The following WWOX variants were observed in gnomAD, a reference collection of about 807,000 sequenced individuals.
WWOX encodes WW domain containing oxidoreductase, also known as WW domain-containing oxidoreductase.
A neutral mutation model predicts 46.2 loss-of-function variants in WWOX; 69 were observed. That is an observed-to-expected ratio of 1.49 (90% CI 1.23 to 1.82). The LOEUF (loss-of-function observed/expected upper bound fraction) is 1.82. Ranked by LOEUF, WWOX falls within the 40% of genes most tolerant of loss-of-function variation. WWOX has a pLI of 0.00. For synonymous variants in WWOX, 359 were observed against 202.6 expected (o/e 1.77, Z -6.56); for missense variants, 919 against 542.6 (o/e 1.69, Z -6.89).
chr16:78,690,006 G>A (rs1287747475), intron 8 of WWOX, among the ~76,000 whole-genome samples: 1 of 151,924 alleles, frequency 6.6e-6, no homozygotes, highest in Non-Finnish European at 1.5e-5. Context: ...GATTACAGGT[G>A]CCCGCCCCCA....
intron 5 of WWOX, among the ~76,000 whole-genome samples, chr16:78,376,539 G>A (rs1462632060): frequency 6.6e-6 from 1 of 152,162 alleles, no homozygotes. Context: ...AGTATAAATA[G>A]CTGATGACCA....
At chr16:78,975,242 T>C (rs1000790070) in intron 8 of WWOX, among the ~76,000 whole-genome samples, 22 of 152,254 alleles carry the variant, frequency 1.4e-4, no homozygotes, top group African/African-American at 5.3e-4. Context: ...GGGACCACTT[T>C]TGCACCCAGG....
chr16:79,184,450 G>A (rs1026004891), intron 8 of WWOX, among the ~76,000 whole-genome samples: 12 of 152,140 alleles, frequency 7.9e-5, no homozygotes, highest in East Asian at 1.9e-4. Flanking sequence ...CAATTTCCAC[G>A]CCTTGTATGT....
chr16:78,592,030 T>C (rs891296646), intron 8 of WWOX, among the ~76,000 whole-genome samples: 2 of 152,184 alleles, frequency 1.3e-5, no homozygotes, highest in Admixed American at 6.5e-5. Flanking sequence ...AAGCATCGAT[T>C]TTACCTTTGT....
intron 8 of WWOX, among the ~76,000 whole-genome samples, chr16:79,041,759 G>A (rs2047975785): frequency 6.6e-6 from 1 of 152,164 alleles, no homozygotes; most frequent in African/African-American, 2.4e-5. Flanking sequence ...GAGCTTTAAT[G>A]CTTTACACTT....
At chr16:78,825,522 G>A in intron 8 of WWOX, 1 of 513,454 alleles carries the variant, frequency 1.9e-6, no homozygotes, top group South Asian at 1.5e-5. Context: ...CTTCCCACAG[G>A]GCATTGTAGA....
chr16:78,992,409 G>T (rs537021594), intron 8 of WWOX, among the ~76,000 whole-genome samples: 3 of 152,158 alleles, frequency 2.0e-5, no homozygotes, highest in African/African-American at 7.2e-5. Flanking sequence ...AGAGGTTGCA[G>T]TGAACCCAGA....
chr16:78,436,513 C>G (rs2083339131), intron 8 of WWOX, among the ~76,000 whole-genome samples: 1 of 152,156 alleles, frequency 6.6e-6, no homozygotes, highest in Non-Finnish European at 1.5e-5. Context: ...TTACTAAAAT[C>G]CTCTCTAGTG....
At chr16:78,444,672 A>C (rs1375210411) in intron 8 of WWOX, among the ~76,000 whole-genome samples, 1 of 151,850 alleles carries the variant, frequency 6.6e-6, no homozygotes, top group Non-Finnish European at 1.5e-5. Context: ...CTAGGACTAC[A>C]GGCGCGTGCC....
intron 8 of WWOX, among the ~76,000 whole-genome samples, chr16:78,626,571 G>A (rs2046316813): frequency 6.6e-6 from 1 of 152,100 alleles, no homozygotes; most frequent in Admixed American, 6.5e-5. Flanking sequence ...CACTGTTGAT[G>A]GTGACTCTGA....
intron 8 of WWOX, among the ~76,000 whole-genome samples, chr16:78,791,128 A>T (rs1443754235): frequency 6.6e-6 from 1 of 151,532 alleles, no homozygotes; most frequent in Non-Finnish European, 1.5e-5. Flanking sequence ...AGGGGGTTGG[A>T]GGTCAGTGGG....
At chr16:78,457,679 C>T (rs543083845) in intron 8 of WWOX, among the ~76,000 whole-genome samples, 2 of 151,924 alleles carry the variant, frequency 1.3e-5, no homozygotes, top group East Asian at 1.9e-4. Context: ...TTTGGGAGGC[C>T]GAGGCAGGTG....
At chr16:78,489,651 T>C (rs940803123) in intron 8 of WWOX, among the ~76,000 whole-genome samples, 9 of 152,094 alleles carry the variant, frequency 5.9e-5, no homozygotes, top group African/African-American at 2.2e-4. Flanking sequence ...ATAGTCTTGC[T>C]CTCCAGGGTA....
chr16:78,894,410 C>A (rs561271004), intron 8 of WWOX, among the ~76,000 whole-genome samples: 1 of 152,226 alleles, frequency 6.6e-6, no homozygotes, highest in African/African-American at 2.4e-5. Flanking sequence ...TTCAGTGATG[C>A]TTAAGCATGT....
At chr16:78,865,844 A>G (rs564515631) in intron 8 of WWOX, among the ~76,000 whole-genome samples, 20 of 152,284 alleles carry the variant, frequency 1.3e-4, no homozygotes, top group African/African-American at 4.6e-4. Context: ...GCACCACCGC[A>G]CTCCAGCCTG....
chr16:78,995,140 G>A (rs1306309455), intron 8 of WWOX, among the ~76,000 whole-genome samples: 2 of 151,742 alleles, frequency 1.3e-5, no homozygotes, highest in Admixed American at 1.3e-4. Context: ...ACTCCTTTTT[G>A]TGACTTAGCT....
chr16:78,501,510 C>G (rs946134199), intron 8 of WWOX, among the ~76,000 whole-genome samples: 2 of 151,362 alleles, frequency 1.3e-5, no homozygotes, highest in African/African-American at 4.8e-5. Context: ...TTGGGCTGTA[C>G]GTTAGAACCA....
At chr16:78,910,207 A>T (rs1020522600) in intron 8 of WWOX, among the ~76,000 whole-genome samples, 4 of 152,264 alleles carry the variant, frequency 2.6e-5, no homozygotes, top group Middle Eastern at 6.8e-3. Flanking sequence ...CCAAAGAAGC[A>T]TGAACTGTCA....
At chr16:78,836,175 C>T (rs1047063396) in intron 8 of WWOX, among the ~76,000 whole-genome samples, 1 of 144,986 alleles carries the variant, frequency 6.9e-6, no homozygotes, top group African/African-American at 2.5e-5. Context: ...GGTTAACATG[C>T]ATTTTTTTTT....
Sources: allele counts gnomAD v4.1 joint callset (sites outside exome capture counted in the v4.1 genomes callset), GRCh38; gene constraint gnomAD v4.1.1; transcripts MANE v1.5; gene names NCBI Gene and HGNC (gene_info 2026-07-23, HGNC 2026-07-21).